Variants in MERTK observed in about 807,000 individuals in gnomAD.
MERTK encodes the protein MER proto-oncogene, tyrosine kinase.
In MERTK, 69 loss-of-function variants were observed where a neutral mutation model predicts 99.3. The ratio of observed to expected loss-of-function variants is 0.70; its 90% CI spans 0.57 to 0.85. MERTK has a LOEUF of 0.85. MERTK is among the 40% of genes least tolerant of loss of function. The pLI, the probability that MERTK is intolerant of heterozygous loss-of-function variation, is 0.00. For missense variants in MERTK, 1,125 were observed against 1,249.4 expected, an observed-to-expected ratio of 0.90 and a Z score of 1.50; for synonymous variants, 426 against 467.6, an observed-to-expected ratio of 0.91 and a Z score of 1.15.
chr2:111,947,269 T>TG, intron 3 of MERTK, 125 bp from the exon 4 acceptor site: 15 of 635,392 alleles, frequency 2.4e-5, no homozygotes, highest in Non-Finnish European at 3.5e-5. Flanking sequence ...CAAGACTCCA[T>TG]CCCCACCCGC....
intron 2 of MERTK, among the ~76,000 whole-genome samples, chr2:111,934,739 A>G (rs555237131): frequency 2.8e-4 from 42 of 152,222 alleles, no homozygotes; most frequent in African/African-American, 9.9e-4. Context: ...CCATTTGTCA[A>G]TTTTGGCTTT....
intron 2 of MERTK, among the ~76,000 whole-genome samples, chr2:111,938,781 T>A (rs1684809568): frequency 1.3e-5 from 2 of 152,198 alleles, no homozygotes; most frequent in South Asian, 4.1e-4. Flanking sequence ...AAAAGTCTTT[T>A]TTCCACTCCA....
chr2:112,004,473 A>G (rs1676940631), intron 13 of MERTK, among the ~76,000 whole-genome samples: 1 of 152,166 alleles, frequency 6.6e-6, no homozygotes, highest in African/African-American at 2.4e-5. Flanking sequence ...AAGAGGAGAA[A>G]TATTTGGTCA....
chr2:111,982,699 A>C, intron 7 of MERTK, 143 bp from the exon 8 acceptor site: 2 of 865,816 alleles, frequency 2.3e-6, no homozygotes, highest in Non-Finnish European at 3.8e-6. Context: ...TTAGTTGAAA[A>C]GGTGAAAATG....
intron 7 of MERTK, among the ~76,000 whole-genome samples, chr2:111,980,318 A>G (rs900142890): frequency 1.3e-5 from 2 of 152,006 alleles, no homozygotes; most frequent in Non-Finnish European, 2.9e-5. Context: ...TTTCTGCTTC[A>G]GAGAATAAAT....
intron 7 of MERTK, among the ~76,000 whole-genome samples, chr2:111,981,061 T>C (rs1043323640): frequency 6.6e-6 from 1 of 152,218 alleles, no homozygotes; most frequent in Non-Finnish European, 1.5e-5. Context: ...ACTGATTTCA[T>C]AGGCAGCTTT....
intron 1 of MERTK, among the ~76,000 whole-genome samples, chr2:111,909,244 T>G (rs1684196311): frequency 1.3e-5 from 2 of 152,160 alleles, no homozygotes; most frequent in Non-Finnish European, 2.9e-5. Flanking sequence ...AACAACTGTT[T>G]CAGCACTGAG....
At chr2:111,989,615 A>G (rs1676568525) in intron 8 of MERTK, among the ~76,000 whole-genome samples, 1 of 152,164 alleles carries the variant, frequency 6.6e-6, no homozygotes, top group Non-Finnish European at 1.5e-5. Context: ...TCGGCCTCCC[A>G]AAGTGCTGGG....
intron 1 of MERTK, among the ~76,000 whole-genome samples, chr2:111,925,296 T>A (rs866158146): frequency 8.6e-3 from 438 of 50,788 alleles, no homozygotes; most frequent in African/African-American, 0.016. Context: ...ATATATATTT[T>A]TTTTTTTTTT....
At chr2:112,002,713 C>A (rs1327767280) in intron 11 of MERTK, among the ~76,000 whole-genome samples, 1 of 152,178 alleles carries the variant, frequency 6.6e-6, no homozygotes, top group African/African-American at 2.4e-5. Flanking sequence ...GTGGTTCACA[C>A]CTGTAATCCC....
chr2:112,003,129 A>G lies in MERTK; in HGVS notation c.1728A>G (p.Lys576=), dbSNP rs1558803600. 1.2e-6 allele frequency: 2 copies of G among 1,603,740 alleles called. No individual in the cohort carries two copies. Among genetic ancestry groups the G allele is most frequent in the Non-Finnish European group, 1.7e-6 (2 of 1,170,804 alleles). ...GAGTCAGTGAGGAACTACAAAATAAACTAGAAGATGTTGTGATTGACAGGA... is the reference window on the plus strand; with the variant it reads ...GAGTCAGTGAGGAACTACAAAATAAGCTAGAAGATGTTGTGATTGACAGGA... The part of the protein sequence containing the change: ...SLGVSEELQN[K]LEDVVIDRNL... Residue 576 remains lysine, a synonymous_variant, in exon 12 of 19, where the codon AAA becomes AAG. Transcript: ENST00000295408.
intron 1 of MERTK, among the ~76,000 whole-genome samples, chr2:111,919,102 A>G (rs973568778): frequency 2.0e-5 from 3 of 152,184 alleles, no homozygotes; most frequent in African/African-American, 7.2e-5. Flanking sequence ...AGCTGGGGCT[A>G]TGCCTTGTCC....
chr2:111,934,042 G>A (rs906547883), intron 2 of MERTK, among the ~76,000 whole-genome samples: 1 of 152,096 alleles, frequency 6.6e-6, no homozygotes, highest in Non-Finnish European at 1.5e-5. Context: ...TCCCTGCAAA[G>A]GACATGAACT....
chr2:111,907,201 G>A (rs1265328407), intron 1 of MERTK, among the ~76,000 whole-genome samples: 1 of 152,084 alleles, frequency 6.6e-6, no homozygotes. Context: ...GATCACCTGA[G>A]GTCAGGAGTT....
chr2:111,902,966 AC>A (rs1304837264), intron 1 of MERTK, among the ~76,000 whole-genome samples: 1 of 152,146 alleles, frequency 6.6e-6, no homozygotes, highest in East Asian at 1.9e-4. Context: ...TTTAGTAGAG[AC>A]AGGGTTTCAC....
intron 2 of MERTK, among the ~76,000 whole-genome samples, chr2:111,944,466 C>T (rs1558781399): frequency 0.015 from 5 of 338 alleles, no homozygotes; most frequent in Admixed American, 0.025. Context: ...CTTAAATTAA[C>T]TCCTAAATTA....
At chr2:112,010,099 T>G in intron 15 of MERTK, 33 bp downstream of exon 15, 1 of 1,428,160 alleles carries the variant, frequency 7.0e-7, no homozygotes, top group Non-Finnish European at 9.9e-7. Context: ...CCTGAACACT[T>G]CTCAGGGCTT....
intron 14 of MERTK, 97 bp from the exon 15 acceptor site, chr2:112,009,851 G>C: frequency 1.1e-6 from 1 of 921,896 alleles, no homozygotes. Flanking sequence ...TGTTAACTTG[G>C]TAACACACGG....
chr2:111,974,195 C>T (rs1051723059), intron 6 of MERTK, among the ~76,000 whole-genome samples: 4 of 142,882 alleles, frequency 2.8e-5, no homozygotes, highest in Admixed American at 2.2e-4. Context: ...TCAAGACCAG[C>T]CTGGCCAACA....
Sources: allele counts gnomAD v4.1 joint callset (sites outside exome capture counted in the v4.1 genomes callset), GRCh38; gene constraint gnomAD v4.1.1; transcripts MANE v1.5; gene names NCBI Gene and HGNC (gene_info 2026-07-23, HGNC 2026-07-21).